The following CSRP2 variants were observed in gnomAD, a reference collection of about 807,000 sequenced individuals.
CSRP2 encodes cysteine and glycine-rich protein 2.
CSRP2 carries 18 observed loss-of-function variants against 24.6 expected under a neutral mutation model. The ratio of observed to expected loss-of-function variants is 0.73; its 90% CI spans 0.51 to 1.09. CSRP2 has a LOEUF of 1.09. Among genes scored for constraint, CSRP2 ranks in the 50% least tolerant of loss-of-function variants. CSRP2 has a pLI of 0.00. For synonymous variants in CSRP2, 87 were observed against 84.3 expected (o/e 1.03, Z -0.18); for missense variants, 215 against 239.4 (o/e 0.90, Z 0.67).
intron 2 of CSRP2, chr12:76,865,640 C>T (rs1953727136): frequency 1.3e-5 from 2 of 152,616 alleles, no homozygotes; most frequent in Admixed American, 6.5e-5. Flanking sequence ...GTTTACCTGA[C>T]ATAATCATTC....
chr12:76,875,401 G>A (rs1296584990), intron 1 of CSRP2, among the ~76,000 whole-genome samples: 2 of 152,074 alleles, frequency 1.3e-5, no homozygotes, highest in Non-Finnish European at 2.9e-5. Context: ...AGCAAAATTC[G>A]ACACAGATTT....
chr12:76,866,182 C>G lies in CSRP2; in HGVS notation c.79G>C (p.Gly27Arg), dbSNP rs1223937890. ...VYHAEEVQCD[G>R]RSFHRCCFLC... ...AAGCAGCAGCGGTGGAAGCTCCTGC[C>G]ATCACACTGCACCTCTTCTGCGTGG... The change falls in exon 2 of 6, where the codon GGC becomes CGC. Residue 27 changes from glycine to arginine, a missense_variant. Physicochemically the swap from Gly to Arg is moderately radical, Grantham distance 125. Coordinates refer to ENST00000311083, the MANE Select transcript of CSRP2 (RefSeq NM_001321.3). 6.2e-7 allele frequency: 1 copy of G among 1,613,982 alleles called. No homozygotes were observed. Among genetic ancestry groups the G allele is most frequent in the Non-Finnish European group, 8.5e-7 (1 of 1,179,996 alleles).
At chr12:76,862,619 C>A in intron 3 of CSRP2, 1 of 698,620 alleles carries the variant, frequency 1.4e-6, no homozygotes, top group South Asian at 5.4e-5. Context: ...ACTAAGTGAA[C>A]TTTCACAAAT....
At chr12:76,876,915 TGACAACCCTG>T (rs1173685979) in intron 1 of CSRP2, among the ~76,000 whole-genome samples, 1 of 152,238 alleles carries the variant, frequency 6.6e-6, no homozygotes, top group Admixed American at 6.5e-5. Flanking sequence ...ACAGGCCTTA[TGACAACCCTG>T]CAAGGCATGT....
At chr12:76,862,038 AAGAG>A (rs1352742196) in intron 3 of CSRP2, 1 of 152,206 alleles carries the variant, frequency 6.6e-6, no homozygotes, top group African/African-American at 2.4e-5. Flanking sequence ...GTTCTGAAGA[AAGAG>A]AGGAAGCCCT....
chr12:76,872,537 G>A (rs539621062), intron 1 of CSRP2, among the ~76,000 whole-genome samples: 5 of 152,304 alleles, frequency 3.3e-5, no homozygotes, highest in African/African-American at 1.2e-4. Context: ...CTGGTGACAG[G>A]GCAGCCTCCA....
chr12:76,874,531 G>A (rs1953834168), intron 1 of CSRP2, among the ~76,000 whole-genome samples: 1 of 152,160 alleles, frequency 6.6e-6, no homozygotes, highest in South Asian at 2.1e-4. Context: ...TCCACAAATG[G>A]GCGGGCTTCC....
At chr12:76,862,849 A>G (rs926668011) in intron 3 of CSRP2, 3 of 1,527,046 alleles carry the variant, frequency 2.0e-6, no homozygotes, top group Non-Finnish European at 2.6e-6. Flanking sequence ...CACACAGCAC[A>G]TTTCTCTACC....
At chr12:76,863,076 G>C (rs1953699822) in intron 3 of CSRP2, 100 bp downstream of exon 3, 1 of 1,489,360 alleles carries the variant, frequency 6.7e-7, no homozygotes, top group African/African-American at 1.4e-5. Flanking sequence ...TATTTGCTTA[G>C]TTTCAACTAA....
chr12:76,860,448 T>C lies in CSRP2; in HGVS notation c.282-35A>G, dbSNP rs780832131. ...AGAGGAAAAAAAAAGTAGGCAAGAG[T>C]TTCCACAGGGCCCTTTTAAGTACAC... On this transcript the variant is annotated intron_variant, in intron 3 of 5. Coordinates refer to ENST00000311083, the MANE Select transcript of CSRP2 (RefSeq NM_001321.3). 1.9e-6 allele frequency: 3 copies of C among 1,608,452 alleles called. No individual in the cohort carries two copies. The South Asian group carries it at 3.3e-5, about 18-fold the overall frequency.
At chr12:76,872,309 C>T (rs1456456982) in intron 1 of CSRP2, among the ~76,000 whole-genome samples, 2 of 152,196 alleles carry the variant, frequency 1.3e-5, no homozygotes, top group Non-Finnish European at 2.9e-5. Context: ...TCTGAGTCGT[C>T]TTATGGTACA....
At position 76,863,221 on chromosome 12, in the gene CSRP2, G is replaced by T; in HGVS notation, c.236C>A (p.Thr79Lys). ...KGYGYGQGAG[T>K]LNMDRGERLG... Reference sequence around the variant, plus strand: ...CCTCTCGCCACGGTCCATGTTAAGCGTGCCAGCGCCCTGGCCATAACCGTA... The same window carrying T: ...CCTCTCGCCACGGTCCATGTTAAGCTTGCCAGCGCCCTGGCCATAACCGTA... Residue 79 changes from threonine to lysine, a missense_variant, in exon 3 of 6, where the codon ACG (threonine) becomes AAG (lysine). Physicochemically the swap from Thr to Lys is moderately conservative, Grantham distance 78. Coordinates refer to ENST00000311083, the MANE Select transcript of CSRP2 (RefSeq NM_001321.3). The T allele has an allele frequency of 6.2e-7, 1 of 1,614,148 alleles. No homozygotes were observed. Among genetic ancestry groups the T allele is most frequent in the South Asian group, 1.1e-5 (1 of 91,062 alleles).
chr12:76,874,747 G>A (rs555571827), intron 1 of CSRP2, among the ~76,000 whole-genome samples: 10 of 152,300 alleles, frequency 6.6e-5, no homozygotes, highest in African/African-American at 2.2e-4. Flanking sequence ...CTTCCTGTCA[G>A]ATCGGCAGAG....
intron 1 of CSRP2, among the ~76,000 whole-genome samples, chr12:76,877,760 A>C (rs1474003556): frequency 6.6e-6 from 1 of 152,194 alleles, no homozygotes. Flanking sequence ...TTCTGAAACT[A>C]TGTTAGATTC....
intron 1 of CSRP2, among the ~76,000 whole-genome samples, chr12:76,875,727 A>G (rs1378379381): frequency 2.0e-5 from 3 of 152,226 alleles, no homozygotes; most frequent in African/African-American, 7.2e-5. Flanking sequence ...TATGCAAAAC[A>G]CCTAGAATAG....
At chr12:76,873,800 C>T (rs1202829657) in intron 1 of CSRP2, among the ~76,000 whole-genome samples, 4 of 152,124 alleles carry the variant, frequency 2.6e-5, no homozygotes, top group African/African-American at 4.8e-5. Context: ...CTTCCTTATC[C>T]CCCAAACCCT....
intron 1 of CSRP2, among the ~76,000 whole-genome samples, chr12:76,877,964 A>G (rs933251141): frequency 2.0e-5 from 1 of 50,978 alleles, no homozygotes; most frequent in African/African-American, 8.2e-5. Flanking sequence ...CCCCCGCCCC[A>G]CCCCCCCACC....
chr12:76,877,905 G>T (rs1416731996), intron 1 of CSRP2, among the ~76,000 whole-genome samples: 1 of 151,940 alleles, frequency 6.6e-6, no homozygotes, highest in African/African-American at 2.4e-5. Flanking sequence ...GAAAAGTCAA[G>T]AACTAAATAC....
intron 1 of CSRP2, among the ~76,000 whole-genome samples, chr12:76,872,504 C>T (rs1031290769): frequency 2.0e-5 from 3 of 152,220 alleles, no homozygotes; most frequent in African/African-American, 7.2e-5. Context: ...GCCATGTGGG[C>T]CATGCAAATG....
Sources: allele counts gnomAD v4.1 joint callset (sites outside exome capture counted in the v4.1 genomes callset), GRCh38; gene constraint gnomAD v4.1.1; transcripts MANE v1.5; gene names NCBI Gene and HGNC (gene_info 2026-07-23, HGNC 2026-07-21).